The following SOX5 variants were observed in gnomAD, a reference collection of about 807,000 sequenced individuals.
SOX5 encodes transcription factor SOX-5.
Under a neutral mutation model 92.0 loss-of-function variants are expected in SOX5, and 9 were observed. The ratio of observed to expected loss-of-function variants is 0.10; its 90% CI spans 0.06 to 0.17. SOX5 has a LOEUF of 0.17. SOX5 is among the 10% of genes least tolerant of loss of function. SOX5 has a pLI of 1.00. For missense variants in SOX5, 642 were observed against 944.5 expected (o/e 0.68, Z 4.20); for synonymous variants, 344 against 336.3 (o/e 1.02, Z -0.25).
At chr12:23,642,144 T>C (rs989987025) in intron 7 of SOX5, among the ~76,000 whole-genome samples, 25 of 152,192 alleles carry the variant, frequency 1.6e-4, no homozygotes, top group African/African-American at 6.0e-4. Flanking sequence ...TATAAATGAA[T>C]ATTCACTTTT....
intron 2 of SOX5, chr12:24,357,545 T>G (rs12580716): frequency 0.26 from 38,873 of 152,040 alleles, 6,138 homozygotes; most frequent in Non-Finnish European, 0.36. Context: ...CAACCACAAT[T>G]GAAACTGTAC....
In SOX5 at chr12:24,487,179, C is replaced by G. The variant is rs145960839; in HGVS notation, c.-251+75150G>C. On this transcript the variant is annotated intron_variant, in intron 1 of 4. Transcript: ENST00000446891. ...TGATATGCTAAAATGAAAATTTGAT[C>G]AAAGAAGTTAATATAAAGCTTTTCA... 7.2e-5 allele frequency among the ~76,000 whole-genome samples: 11 copies of G among 152,186 alleles called. No homozygotes were observed. The East Asian group carries it at 2.1e-3, about 29-fold the overall frequency.
chr12:23,604,813 G>C (rs2075035201), intron 8 of SOX5, among the ~76,000 whole-genome samples: 1 of 152,060 alleles, frequency 6.6e-6, no homozygotes, highest in South Asian at 2.1e-4. Context: ...TCTATAGAAG[G>C]CAAGTATAAC....
chr12:24,476,779 AC>A (rs369803332), intron 1 of SOX5, among the ~76,000 whole-genome samples: 6 of 152,172 alleles, frequency 3.9e-5, no homozygotes, highest in African/African-American at 1.4e-4. Flanking sequence ...CAGCAGAAGC[AC>A]ACAAAGGTTT....
At chr12:23,987,569 G>A (rs1027167598) in intron 4 of SOX5, among the ~76,000 whole-genome samples, 1 of 152,172 alleles carries the variant, frequency 6.6e-6, no homozygotes, top group African/African-American at 2.4e-5. Context: ...AAGGTGGGCG[G>A]ATAGCTTTAG....
At chr12:24,268,094 A>G (rs1943248176) in intron 3 of SOX5, among the ~76,000 whole-genome samples, 1 of 152,322 alleles carries the variant, frequency 6.6e-6, no homozygotes, top group East Asian at 1.9e-4. Context: ...AGATGGCATT[A>G]TGTTACTTAA....
At chr12:23,869,185 C>T (rs984273113) in intron 2 of SOX5, among the ~76,000 whole-genome samples, 5 of 152,072 alleles carry the variant, frequency 3.3e-5, no homozygotes, top group African/African-American at 7.2e-5. Flanking sequence ...ATGTTATTTC[C>T]TTTTTACTAG....
At chr12:24,125,265 G>T (rs1949004524) in intron 4 of SOX5, among the ~76,000 whole-genome samples, 1 of 152,154 alleles carries the variant, frequency 6.6e-6, no homozygotes, top group Non-Finnish European at 1.5e-5. Flanking sequence ...GAAAACACCA[G>T]TTATGGGCTT....
chr12:24,522,378 A>C (rs1430483343), intron 1 of SOX5, among the ~76,000 whole-genome samples: 1 of 152,104 alleles, frequency 6.6e-6, no homozygotes, highest in Non-Finnish European at 1.5e-5. Context: ...AAACATTTCC[A>C]AAAAATTGAA....
intron 3 of SOX5, among the ~76,000 whole-genome samples, chr12:23,804,646 T>C (rs1220418849): frequency 6.6e-6 from 1 of 151,926 alleles, no homozygotes; most frequent in Non-Finnish European, 1.5e-5. Context: ...TCTCTGATGG[T>C]ACCCGATGCA....
chr12:24,068,077 G>C (rs1291203061), intron 4 of SOX5, among the ~76,000 whole-genome samples: 4 of 152,166 alleles, frequency 2.6e-5, no homozygotes, highest in Non-Finnish European at 4.4e-5. Context: ...CCCAGGAGGT[G>C]GAGGTTGCAG....
chr12:23,581,197 G>C (rs575933953), intron 9 of SOX5, among the ~76,000 whole-genome samples: 61 of 152,010 alleles, frequency 4.0e-4, no homozygotes, highest in African/African-American at 1.4e-3. Context: ...CTTTGTTAAG[G>C]AGTTTTAATA....
intron 11 of SOX5, among the ~76,000 whole-genome samples, chr12:23,556,759 T>C (rs1399671798): frequency 6.6e-6 from 1 of 152,180 alleles, no homozygotes; most frequent in African/African-American, 2.4e-5. Flanking sequence ...CATGAGTTCC[T>C]TCATATTCAC....
At chr12:23,548,651 T>A (rs73089333) in intron 11 of SOX5, among the ~76,000 whole-genome samples, 24,391 of 151,608 alleles carry the variant, frequency 0.16, 2,192 homozygotes, top group Non-Finnish European at 0.21. Flanking sequence ...ACATTTTTTT[T>A]AAAAAAAGTG....
chr12:24,509,608 T>A (rs1282264816), intron 1 of SOX5, among the ~76,000 whole-genome samples: 1 of 152,144 alleles, frequency 6.6e-6, no homozygotes, highest in African/African-American at 2.4e-5. Context: ...ATTGACCCAA[T>A]AAATAGTCAT....
chr12:24,002,065 G>A (rs1405529478), intron 4 of SOX5, among the ~76,000 whole-genome samples: 1 of 152,000 alleles, frequency 6.6e-6, no homozygotes, highest in East Asian at 1.9e-4. Context: ...TAGTGCTTTG[G>A]GAAAATATAT....
At chr12:23,890,935 A>G (rs1352978601) in intron 2 of SOX5, among the ~76,000 whole-genome samples, 1 of 152,220 alleles carries the variant, frequency 6.6e-6, no homozygotes, top group Non-Finnish European at 1.5e-5. Context: ...CATTGCTTTC[A>G]ACTGTGCGAA....
intron 4 of SOX5, among the ~76,000 whole-genome samples, chr12:23,988,963 A>G (rs567990816): frequency 4.3e-4 from 65 of 152,310 alleles, no homozygotes; most frequent in African/African-American, 1.5e-3. Flanking sequence ...CTAGAGTTAT[A>G]TGATGTGCCA....
intron 4 of SOX5, among the ~76,000 whole-genome samples, chr12:24,176,977 GT>G (rs11295163): frequency 0.3 from 40,832 of 135,092 alleles, 6,516 homozygotes; most frequent in East Asian, 0.82. Flanking sequence ...TTTGTTTTTT[GT>G]TTTTTTTTTT....
Sources: gnomAD v4.1 joint callset for allele counts (sites outside exome capture counted in the v4.1 genomes callset) on GRCh38, gnomAD v4.1.1 for gene constraint, MANE v1.5 for transcripts, NCBI Gene and HGNC (gene_info 2026-07-23, HGNC 2026-07-21) for gene names.